The following NEBL variants were observed in gnomAD, a reference collection of about 807,000 sequenced individuals.
NEBL encodes the protein LIM and SH3 protein 2.
NEBL carries 122 observed loss-of-function variants against 140.2 expected under a neutral mutation model. The observed-to-expected ratio is 0.87, with a 90% CI of 0.75 to 1.01. The LOEUF (loss-of-function observed/expected upper bound fraction) is 1.01. Among genes scored for constraint, NEBL ranks in the 50% least tolerant of loss-of-function variants. The pLI, the probability that NEBL is intolerant of heterozygous loss-of-function variation, is 0.00. For synonymous variants in NEBL, 436 were observed against 398.9 expected (o/e 1.09, Z -1.11); for missense variants, 1,365 against 1,231.3 (o/e 1.11, Z -1.62).
chr10:21,268,824 CA>C (rs1435899766), intron 1 of NEBL, among the ~76,000 whole-genome samples: 1 of 151,542 alleles, frequency 6.6e-6, no homozygotes, highest in African/African-American at 2.4e-5. Context: ...TGCACCTGGC[CA>C]AAAAAATTTA....
At chr10:21,025,675 G>A (rs526061) in intron 2 of NEBL, among the ~76,000 whole-genome samples, 104,448 of 152,028 alleles carry the variant, frequency 0.69, 39,390 homozygotes, top group East Asian at 0.95. Context: ...TCCAGATTCC[G>A]GTGCTTATAG....
intron 4 of NEBL, among the ~76,000 whole-genome samples, chr10:20,934,155 A>G (rs1051615341): frequency 1.6e-4 from 24 of 152,292 alleles, no homozygotes; most frequent in Admixed American, 4.6e-4. Flanking sequence ...ACTGAGCAAG[A>G]CTTCACAGAC....
rs762313970 is a variant in NEBL, at chr10:20,974,721, C to A, written c.250-12942G>T. 7.9e-4 allele frequency among the ~76,000 whole-genome samples: 120 copies of A among 152,134 alleles called. 2 individuals are homozygous for A. The highest frequency in any genetic ancestry group is 3.9e-4 in the Admixed American group (6 of 15,276). ...AATTAGATGCTCAGTAGGTGTCCAT[C>A]AAATGAGTAAATAACTAAGATAACT... On this transcript the variant is annotated intron_variant, in intron 3 of 6. Transcript: ENST00000417816.
chr10:20,875,920 A>T (rs978068184), intron 5 of NEBL, among the ~76,000 whole-genome samples: 1 of 152,214 alleles, frequency 6.6e-6, no homozygotes, highest in African/African-American at 2.4e-5. Flanking sequence ...TATAGTGGTA[A>T]TCTTTAAGCA....
rs189017550 is a variant in NEBL at position 20,804,804 on chromosome 10, C to G, written c.2761+3706G>C. Reference sequence around the variant, plus strand: ...CCCAAGATCAGATATGGGTCTTGTACGCAATGATGAAAATTTGGGTTATAT... The same window carrying G: ...CCCAAGATCAGATATGGGTCTTGTAGGCAATGATGAAAATTTGGGTTATAT... On this transcript the variant is annotated intron_variant, in intron 26 of 27. Coordinates refer to ENST00000377122, the MANE Select transcript of NEBL (RefSeq NM_006393.3). Among the ~76,000 whole-genome samples the G allele has an allele frequency of 1.8e-3, 278 of 152,138 alleles. 1 individual carries two copies. Among genetic ancestry groups the G allele is most frequent in the Non-Finnish European group, 3.0e-3 (201 of 68,018 alleles).
intron 3 of NEBL, among the ~76,000 whole-genome samples, chr10:21,205,250 T>G (rs2132230637): frequency 6.6e-6 from 1 of 152,360 alleles, no homozygotes; most frequent in East Asian, 1.9e-4. Context: ...CCCAAATGTG[T>G]AGCAAAAGCC....
At chr10:21,194,458 C>G (rs1006667344) in intron 3 of NEBL, among the ~76,000 whole-genome samples, 1 of 152,064 alleles carries the variant, frequency 6.6e-6, no homozygotes, top group African/African-American at 2.4e-5. Context: ...TCATTTGGAA[C>G]TAATTACTAA....
chr10:20,855,677 G>C (rs1290768671), intron 9 of NEBL, among the ~76,000 whole-genome samples: 1 of 152,064 alleles, frequency 6.6e-6, no homozygotes, highest in Non-Finnish European at 1.5e-5. Flanking sequence ...GTAAAGTTGT[G>C]AAAGAAACTC....
intron 2 of NEBL, chr10:21,113,181 C>G (rs1838116416): frequency 3.5e-6 from 1 of 285,968 alleles, no homozygotes; most frequent in African/African-American, 2.4e-5. Flanking sequence ...AGAAAAAGTG[C>G]CAGTGAAGAA....
rs1235974883 is a variant in NEBL at position 20,888,090 on chromosome 10, A to C, written c.369+7T>G. ...CAAAATCATGAAACACTTTAGAAAA[A>C]CCCTACCTCACTCTGGAGCTGTGTA... On this transcript the variant is annotated splice_region_variant and intron_variant, in intron 4 of 27. Coordinates refer to ENST00000377122, the MANE Select transcript of NEBL (RefSeq NM_006393.3). The C allele has an allele frequency of 6.4e-7, 1 of 1,573,870 alleles. No individual in the cohort carries two copies. Among genetic ancestry groups the C allele is most frequent in the South Asian group, 1.1e-5 (1 of 90,276 alleles).
intron 2 of NEBL, chr10:21,110,685 GA>G: frequency 2.1e-6 from 1 of 473,558 alleles, no homozygotes; most frequent in Admixed American, 2.4e-5. Context: ...CCACCCCATG[GA>G]AGGCTCAGTG....
intron 2 of NEBL, among the ~76,000 whole-genome samples, chr10:21,080,845 T>C (rs1439377508): frequency 2.0e-5 from 3 of 152,028 alleles, no homozygotes; most frequent in Non-Finnish European, 4.4e-5. Flanking sequence ...TGTGATCTGG[T>C]TTTTTTGTTT....
Position 20,835,885 on chromosome 10 carries a change from T to C in NEBL, c.1339-262A>G, listed in dbSNP as rs148765147. On this transcript the variant is annotated intron_variant, in intron 13 of 27. Coordinates refer to ENST00000377122, the MANE Select transcript of NEBL (RefSeq NM_006393.3). ...CCATGTGAAAATCTTCACTGACAATTTTCTTTGGGGCTGGAGGATAGGGAG... is the reference window on the plus strand; with the variant it reads ...CCATGTGAAAATCTTCACTGACAATCTTCTTTGGGGCTGGAGGATAGGGAG... Among the ~76,000 whole-genome samples the C allele has an allele frequency of 4.9e-3, 752 of 152,240 alleles. 7 individuals are homozygous for C. The highest frequency in any genetic ancestry group is 0.017 in the African/African-American group (707 of 41,550).
chr10:20,808,021 C>A (rs917290922), intron 26 of NEBL, among the ~76,000 whole-genome samples: 2 of 150,712 alleles, frequency 1.3e-5, no homozygotes, highest in Non-Finnish European at 3.0e-5. Flanking sequence ...AAGTATTATG[C>A]CCAATTTCTT....
At chr10:21,004,459 G>A (rs1381646236) in intron 3 of NEBL, among the ~76,000 whole-genome samples, 1 of 151,992 alleles carries the variant, frequency 6.6e-6, no homozygotes, top group Non-Finnish European at 1.5e-5. Flanking sequence ...GGTGGCTCAC[G>A]CCTGTAATCC....
chr10:21,077,650 C>A (rs1446281318), intron 2 of NEBL, among the ~76,000 whole-genome samples: 1 of 151,758 alleles, frequency 6.6e-6, no homozygotes, highest in Non-Finnish European at 1.5e-5. Context: ...AAATAAATTG[C>A]TTTTGTTATT....
intron 3 of NEBL, among the ~76,000 whole-genome samples, chr10:21,237,225 G>C (rs1842366508): frequency 1.3e-5 from 2 of 152,280 alleles, no homozygotes; most frequent in South Asian, 4.1e-4. Flanking sequence ...TTTTGTTTGA[G>C]ATAGAGTGTC....
intron 3 of NEBL, among the ~76,000 whole-genome samples, chr10:21,243,362 A>G (rs1054873795): frequency 7.0e-6 from 1 of 143,722 alleles, no homozygotes; most frequent in African/African-American, 2.6e-5. Flanking sequence ...ACTGGAGTGC[A>G]GTGGTACAAT....
intron 8 of NEBL, among the ~76,000 whole-genome samples, chr10:20,858,789 G>A (rs745899641): frequency 9.9e-5 from 15 of 152,048 alleles, no homozygotes; most frequent in Non-Finnish European, 2.1e-4. Context: ...ACCATTGATA[G>A]CAAGCATATC....
Sources: allele counts gnomAD v4.1 joint callset (sites outside exome capture counted in the v4.1 genomes callset), GRCh38; gene constraint gnomAD v4.1.1; transcripts MANE v1.5; gene names NCBI Gene and HGNC (gene_info 2026-07-23, HGNC 2026-07-21).